DNAJB4: variants seen among roughly 807,000 people sequenced by gnomAD.
The protein encoded by DNAJB4 is DnaJ heat shock protein family (Hsp40) member B4.
In DNAJB4, 10 loss-of-function variants were observed where a neutral mutation model predicts 26.6. The observed-to-expected ratio is 0.38, with a 90% CI of 0.23 to 0.64. The LOEUF (loss-of-function observed/expected upper bound fraction) is 0.64, where lower values mean the gene tolerates loss of function less well. Ranked by LOEUF, DNAJB4 falls within the 30% of genes least tolerant of loss-of-function variation. The probability of loss-of-function intolerance (pLI) is 0.58; values close to 1 mark genes in which losing one functional copy is unlikely to be tolerated. For synonymous variants in DNAJB4, 136 were observed against 134.8 expected (o/e 1.01, Z -0.06); for missense variants, 328 against 408.2 (o/e 0.80, Z 1.69).
chr1:78,014,115 T>C (rs985408324), intron 2 of DNAJB4, among the ~76,000 whole-genome samples: 1 of 151,830 alleles, frequency 6.6e-6, no homozygotes, highest in Non-Finnish European at 1.5e-5. Context: ...TGAGTTCTTA[T>C]TTGCACTATT....
intron 1 of DNAJB4, among the ~76,000 whole-genome samples, chr1:77,988,299 A>G (rs952196362): frequency 4.5e-4 from 68 of 152,090 alleles, no homozygotes; most frequent in African/African-American, 1.6e-3. Flanking sequence ...CTGGGATTAC[A>G]GGTCTGAGCC....
intron 1 of DNAJB4, among the ~76,000 whole-genome samples, chr1:78,009,810 G>C (rs1002295634): frequency 6.6e-6 from 1 of 152,120 alleles, no homozygotes; most frequent in Non-Finnish European, 1.5e-5. Context: ...ATTTTTAGTA[G>C]AGACGAGGTT....
chr1:78,005,293 A>G lies in DNAJB4; in HGVS notation c.183A>G (p.Arg61=). The change falls in exon 1 of 3, where the codon AGA becomes AGG. Residue 61 remains arginine (R), a synonymous_variant. Transcript: ENST00000370763. ...AAGTATTGAGTGATCCTAAAAAGAGAGAAATATATGATCAGTTTGGGGAGG... is the reference window on the plus strand; with the variant it reads ...AAGTATTGAGTGATCCTAAAAAGAGGGAAATATATGATCAGTTTGGGGAGG... ...AYEVLSDPKK[R]EIYDQFGEEG... is the part of the protein sequence containing the mutation. The G allele has an allele frequency of 1.2e-6, 2 of 1,613,802 alleles. No individual in the cohort carries two copies. Among genetic ancestry groups the G allele is most frequent in the Non-Finnish European group, 1.7e-6 (2 of 1,179,908 alleles).
In DNAJB4 at chr1:78,016,482, T is replaced by G. The variant is rs567656142; in HGVS notation, c.*235T>G. The G allele has an allele frequency of 6.0e-6, 3 of 500,466 alleles. No homozygotes were observed. In the East Asian group the frequency reaches 1.0e-4, roughly 17 times the overall value. 31.0% of individuals were successfully genotyped at this position (500,466 alleles called of 1,614,324 possible). On this transcript the variant is annotated 3_prime_UTR_variant, in exon 3 of 3. Transcript: ENST00000370763. ...TTCATTTCTCCTGATTCAGATATTTTTAGTAATTTGCTTATATGTAAAAGT... is the reference window on the plus strand; with the variant it reads ...TTCATTTCTCCTGATTCAGATATTTGTAGTAATTTGCTTATATGTAAAAGT...
In DNAJB4 at chr1:78,013,607, T is replaced by C; in HGVS notation, c.768T>C (p.Ile256=). The change falls in exon 2 of 3, where the codon ATT becomes ATC. Residue 256 remains isoleucine, a synonymous_variant. Transcript: ENST00000370763. ...DGSNIIYTAK[I]SLREALCGCS... ...CAAATATAATTTATACTGCTAAAAT[T>C]AGTTTACGAGAGGTAAGTTGGTAGG... The C allele has an allele frequency of 6.3e-7, 1 of 1,582,882 alleles. No individual in the cohort carries two copies. The highest frequency in any genetic ancestry group is 8.5e-7 in the Non-Finnish European group (1 of 1,170,212).
chr1:78,012,482 AC>A lies in DNAJB4; in HGVS notation c.212-566del, dbSNP rs1467924694. Reference sequence around the variant, plus strand: ...CGGCCTTATTTTATTTTTCTTACTTACCCGTGGAACAAAGAATCAGGAATAA... The same window carrying A: ...CGGCCTTATTTTATTTTTCTTACTTACCGTGGAACAAAGAATCAGGAATAA... On this transcript the variant is annotated intron_variant, in intron 1 of 2. Coordinates refer to ENST00000370763, the MANE Select transcript of DNAJB4 (RefSeq NM_007034.5). Among the ~76,000 whole-genome samples, 11 of 150,056 alleles carry A rather than the reference AC, an allele frequency of 7.3e-5. No homozygotes were observed. In the East Asian group the frequency reaches 1.8e-3, roughly 24 times the overall value.
intron 1 of DNAJB4, among the ~76,000 whole-genome samples, chr1:78,011,611 A>G (rs763619606): frequency 1.4e-4 from 21 of 151,752 alleles, no homozygotes; most frequent in Non-Finnish European, 2.1e-4. Flanking sequence ...CAGCCTCCCA[A>G]GTAGCTGGGA....
chr1:78,004,325 G>C (rs1258564188), upstream of DNAJB4: 1 of 152,176 alleles, frequency 6.6e-6, no homozygotes, highest in Non-Finnish European at 1.5e-5. Flanking sequence ...TAACTAGTTA[G>C]CTAAAATCAT....
intron 1 of DNAJB4, among the ~76,000 whole-genome samples, chr1:77,992,321 G>A (rs1007068588): frequency 7.0e-6 from 1 of 142,906 alleles, no homozygotes; most frequent in East Asian, 2.2e-4. Context: ...GCTGAGGCAG[G>A]AGAATGGCGT....
intron 1 of DNAJB4, among the ~76,000 whole-genome samples, chr1:77,999,658 A>C (rs1660146445): frequency 6.6e-6 from 1 of 152,172 alleles, no homozygotes; most frequent in South Asian, 2.1e-4. Context: ...AAATACTGAA[A>C]ATAATGTATA....
chr1:77,981,604 G>A (rs1250658670), intron 1 of DNAJB4, among the ~76,000 whole-genome samples: 3 of 152,234 alleles, frequency 2.0e-5, no homozygotes, highest in Non-Finnish European at 4.4e-5. Flanking sequence ...GAGCCACCGC[G>A]CCCAGCCACA....
chr1:77,992,860 A>G (rs1659969125), intron 1 of DNAJB4: 1 of 152,188 alleles, frequency 6.6e-6, no homozygotes, highest in African/African-American at 2.4e-5. Context: ...AGTAGCTGGA[A>G]TTACAGGCAT....
At chr1:78,005,647 G>A (rs1660313655) in intron 1 of DNAJB4, among the ~76,000 whole-genome samples, 1 of 152,036 alleles carries the variant, frequency 6.6e-6, no homozygotes, top group Admixed American at 6.6e-5. Flanking sequence ...ATACCTATTA[G>A]TAAATTGTGT....
upstream of DNAJB4, among the ~76,000 whole-genome samples, chr1:78,002,028 G>C (rs916851046): frequency 2.6e-5 from 4 of 152,090 alleles, no homozygotes; most frequent in African/African-American, 9.7e-5. Context: ...CAAACTTTCC[G>C]TCACACATAC....
At chr1:78,009,257 G>T in intron 1 of DNAJB4, among the ~76,000 whole-genome samples, 1 of 152,112 alleles carries the variant, frequency 6.6e-6, no homozygotes, top group East Asian at 1.9e-4. Flanking sequence ...CTCCTTGGAT[G>T]GAGTAAGAGT....
upstream of DNAJB4, chr1:78,004,672 C>G (rs1316539819): frequency 6.1e-6 from 1 of 164,420 alleles, no homozygotes; most frequent in Non-Finnish European, 1.3e-5. Context: ...ATAGTTGTGA[C>G]ATTCTGTGTT....
chr1:78,003,368 A>T (rs1460537984), upstream of DNAJB4, among the ~76,000 whole-genome samples: 1 of 152,216 alleles, frequency 6.6e-6, no homozygotes, highest in East Asian at 1.9e-4. Context: ...GGTAGGCTAG[A>T]TCAATGTTAT....
At chr1:78,011,086 T>C (rs1341269983) in intron 1 of DNAJB4, among the ~76,000 whole-genome samples, 1 of 152,234 alleles carries the variant, frequency 6.6e-6, no homozygotes, top group Non-Finnish European at 1.5e-5. Flanking sequence ...TTGATCTGTA[T>C]TGACCCCTTA....
chr1:78,017,841 TC>T lies in DNAJB4; in HGVS notation c.*1595del, dbSNP rs1489416061. On this transcript the variant is annotated 3_prime_UTR_variant, in exon 3 of 3. Coordinates refer to ENST00000370763, the MANE Select transcript of DNAJB4 (RefSeq NM_007034.5). ...AGGTTCATCTATGTTGTATCACGTA[TC>T]AGTACTTTATTTTTTGTGTGGCACG... is the stretch of plus-strand genomic sequence containing the variant. 1 of 150,416 alleles carries T rather than the reference TC, an allele frequency of 6.6e-6. No individual in the cohort carries two copies. Among genetic ancestry groups the T allele is most frequent in the Non-Finnish European group, 1.5e-5 (1 of 67,576 alleles). The allele number at this position is 150,416 out of a possible 1,614,324, so 9.3% of individuals were successfully genotyped here. A position where few individuals can be genotyped will look rare whatever the true frequency, so the allele number is the denominator to read the frequency against.
Sources: allele counts gnomAD v4.1 joint callset (sites outside exome capture counted in the v4.1 genomes callset), GRCh38; gene constraint gnomAD v4.1.1; transcripts MANE v1.5; gene names NCBI Gene and HGNC (gene_info 2026-07-23, HGNC 2026-07-21).